The following R3HDM1 variants were observed in gnomAD, a reference collection of about 807,000 sequenced individuals.
R3HDM1 encodes the protein R3H domain containing 1.
In R3HDM1, 46 loss-of-function variants were observed where a neutral mutation model predicts 141.1. That is an observed-to-expected ratio of 0.33 (90% CI 0.26 to 0.42). R3HDM1 has a LOEUF of 0.42. R3HDM1 is among the 10% of genes least tolerant of loss of function. R3HDM1 has a pLI of 1.00. For synonymous variants in R3HDM1, 435 were observed against 472.9 expected (o/e 0.92, Z 1.04); for missense variants, 1,184 against 1,368.3 (o/e 0.87, Z 2.12).
intron 21 of R3HDM1, among the ~76,000 whole-genome samples, chr2:135,702,649 CA>C (rs753918013): frequency 0.059 from 4,239 of 71,458 alleles, 214 homozygotes; most frequent in African/African-American, 0.19. Context: ...GACTCCGTCT[CA>C]AAAAAAAAAA....
intron 1 of R3HDM1, among the ~76,000 whole-genome samples, chr2:135,576,837 G>A (rs961524656): frequency 2.6e-5 from 4 of 152,070 alleles, no homozygotes; most frequent in South Asian, 2.1e-4. Flanking sequence ...AGTGGTTGCC[G>A]GGGGCTAAGG....
chr2:135,699,262 G>C (rs2073901725), intron 21 of R3HDM1, among the ~76,000 whole-genome samples: 1 of 152,154 alleles, frequency 6.6e-6, no homozygotes, highest in Admixed American at 6.5e-5. Context: ...ATAAGGATAA[G>C]CGTTGAATTG....
chr2:135,641,815 C>T, intron 15 of R3HDM1, 25 bp downstream of exon 15: 7 of 1,558,750 alleles, frequency 4.5e-6, no homozygotes, highest in African/African-American at 1.4e-5. Context: ...AAAGGTGTTT[C>T]AGGAATTATC....
In R3HDM1 at chr2:135,601,854, G is replaced by T. The variant is rs185645697; in HGVS notation, c.-249-646G>T. Among the ~76,000 whole-genome samples the T allele has an allele frequency of 4.1e-3, 617 of 152,030 alleles. 4 individuals are homozygous for T. Among genetic ancestry groups the T allele is most frequent in the Middle Eastern group, 0.014 (4 of 294 alleles). Reference sequence around the variant, plus strand: ...ATTTTTTAATTTTTGTAGAGATGGGGTCTCACTGTGTTGCCCATGCTAGTC... The same window carrying T: ...ATTTTTTAATTTTTGTAGAGATGGGTTCTCACTGTGTTGCCCATGCTAGTC... On this transcript the variant is annotated intron_variant, in intron 1 of 26. Transcript: ENST00000683871.
At chr2:135,557,456 C>G (rs965811608) in intron 1 of R3HDM1, among the ~76,000 whole-genome samples, 1 of 152,174 alleles carries the variant, frequency 6.6e-6, no homozygotes, top group Non-Finnish European at 1.5e-5. Context: ...TTACTAAACT[C>G]ATCGAATGCC....
intron 15 of R3HDM1, among the ~76,000 whole-genome samples, chr2:135,642,166 A>G (rs911982799): frequency 2.0e-5 from 3 of 152,178 alleles, no homozygotes; most frequent in African/African-American, 7.2e-5. Flanking sequence ...AATCGGATAC[A>G]TTTTATGAAA....
chr2:135,560,460 T>C (rs1032559574), intron 1 of R3HDM1, among the ~76,000 whole-genome samples: 9 of 152,080 alleles, frequency 5.9e-5, no homozygotes, highest in African/African-American at 2.2e-4. Flanking sequence ...ACTACAGGCA[T>C]GCACCACCAC....
intron 1 of R3HDM1, among the ~76,000 whole-genome samples, chr2:135,531,982 A>T (rs1379950904): frequency 6.6e-6 from 1 of 152,106 alleles, no homozygotes; most frequent in Non-Finnish European, 1.5e-5. Context: ...AGGCAGGGGA[A>T]AGGTTTCCGA....
chr2:135,677,685 A>G (rs939259816), intron 20 of R3HDM1, among the ~76,000 whole-genome samples: 3 of 152,248 alleles, frequency 2.0e-5, no homozygotes, highest in Middle Eastern at 6.8e-3. Flanking sequence ...TAATTCTCAC[A>G]TTGGCTGAAT....
intron 21 of R3HDM1, among the ~76,000 whole-genome samples, chr2:135,698,733 A>G (rs2073671582): frequency 6.6e-6 from 1 of 152,134 alleles, no homozygotes; most frequent in Admixed American, 6.5e-5. Context: ...GCAGAAGGCA[A>G]GAGGGAAGCA....
chr2:135,613,014 A>C (rs1032079303), intron 3 of R3HDM1, among the ~76,000 whole-genome samples: 1 of 152,220 alleles, frequency 6.6e-6, no homozygotes, highest in Non-Finnish European at 1.5e-5. Flanking sequence ...CCACTTTAGC[A>C]ATTTATGGTT....
In R3HDM1 at chr2:135,639,018, T is replaced by C. The variant is rs772064234; in HGVS notation, c.1115T>C (p.Leu372Pro). Reference protein sequence around the residue: ...STDSDSSLRNLKPAVTKASSF... With the variant: ...STDSDSSLRNPKPAVTKASSF... Reference sequence around the variant, plus strand: ...GATTCAGACAGCTCTCTTCGAAACCTGAAACCTGCTGTAACCAAAGCCAGC... The same window carrying C: ...GATTCAGACAGCTCTCTTCGAAACCCGAAACCTGCTGTAACCAAAGCCAGC... Residue 372 changes from leucine to proline, a missense_variant, in exon 14 of 27, where the codon CTG (leucine) becomes CCG (proline). Transcript: ENST00000683871. 1 of 1,614,132 alleles carries C rather than the reference T, an allele frequency of 6.2e-7. No individual in the cohort carries two copies. Among genetic ancestry groups the C allele is most frequent in the Non-Finnish European group, 8.5e-7 (1 of 1,180,018 alleles).
At chr2:135,606,874 T>C (rs2060116904) in intron 3 of R3HDM1, among the ~76,000 whole-genome samples, 1 of 151,736 alleles carries the variant, frequency 6.6e-6, no homozygotes, top group African/African-American at 2.4e-5. Flanking sequence ...CTAAAGACTT[T>C]GAAGGCTATA....
chr2:135,639,832 C>T (rs1422125629), intron 14 of R3HDM1, among the ~76,000 whole-genome samples: 1 of 152,212 alleles, frequency 6.6e-6, no homozygotes, highest in African/African-American at 2.4e-5. Context: ...CGCAGTGGCT[C>T]ATGCCTGTAA....
intron 24 of R3HDM1, among the ~76,000 whole-genome samples, chr2:135,717,005 A>G (rs1364140161): frequency 6.6e-6 from 1 of 152,106 alleles, no homozygotes; most frequent in Non-Finnish European, 1.5e-5. Context: ...TATTCACAAT[A>G]TGGTAAGTGA....
In R3HDM1 at chr2:135,531,561, C is replaced by T; in HGVS notation, c.-322C>T. The stretch of plus-strand genomic sequence containing the variant: ...TTAATTCCCTTTCGTAAGACTCTTA[C>T]TTGCACCCACCCAGCCCCGCCGTCG... On this transcript the variant is annotated 5_prime_UTR_variant, in exon 1 of 27. Coordinates refer to ENST00000683871, the MANE Select transcript of R3HDM1 (RefSeq NM_001378107.1). 2.0e-6 allele frequency: 2 copies of T among 986,328 alleles called. No individual in the cohort carries two copies. Among genetic ancestry groups the T allele is most frequent in the South Asian group, 4.7e-5 (1 of 21,352 alleles). 61.1% of individuals were successfully genotyped at this position (986,328 alleles called of 1,614,324 possible).
At position 135,534,421 on chromosome 2, in the gene R3HDM1, A is replaced by G. The variant is rs558150709; in HGVS notation, c.-250+2788A>G. On this transcript the variant is annotated intron_variant, in intron 1 of 26. Coordinates refer to ENST00000683871, the MANE Select transcript of R3HDM1 (RefSeq NM_001378107.1). Reference sequence around the variant, plus strand: ...CTGTTCTTTTTAATTCTCCTTATTTATCAACACTTGAGTGTTTCTTTTCTG... The same window carrying G: ...CTGTTCTTTTTAATTCTCCTTATTTGTCAACACTTGAGTGTTTCTTTTCTG... Among the ~76,000 whole-genome samples the G allele has an allele frequency of 9.2e-5, 14 of 152,324 alleles. No homozygotes were observed. In the East Asian group the frequency reaches 2.7e-3, roughly 29 times the overall value.
At chr2:135,670,011 C>G (rs1488521399) in intron 19 of R3HDM1, among the ~76,000 whole-genome samples, 1 of 151,804 alleles carries the variant, frequency 6.6e-6, no homozygotes, top group African/African-American at 2.4e-5. Flanking sequence ...TGCTGGCACG[C>G]ACCTGTAATC....
At chr2:135,549,521 A>C (rs2104922765) in intron 1 of R3HDM1, among the ~76,000 whole-genome samples, 1 of 141,510 alleles carries the variant, frequency 7.1e-6, no homozygotes, top group African/African-American at 2.7e-5. Flanking sequence ...ACATTGCGCC[A>C]TTGCACTCCA....
Sources: gnomAD v4.1 joint callset for allele counts (sites outside exome capture counted in the v4.1 genomes callset) on GRCh38, gnomAD v4.1.1 for gene constraint, MANE v1.5 for transcripts, NCBI Gene and HGNC (gene_info 2026-07-23, HGNC 2026-07-21) for gene names.